DAB1: variants seen among roughly 807,000 people sequenced by gnomAD.
DAB1 encodes DAB adaptor protein 1.
A neutral mutation model predicts 64.6 loss-of-function variants in DAB1; 15 were observed. That is an observed-to-expected ratio of 0.23 (90% CI 0.16 to 0.36). DAB1 has a LOEUF of 0.36. Ranked by LOEUF, DAB1 falls within the 10% of genes least tolerant of loss-of-function variation. The pLI, the probability that DAB1 is intolerant of heterozygous loss-of-function variation, is 1.00. For missense variants in DAB1, 596 were observed against 706.7 expected (o/e 0.84, Z 1.78); for synonymous variants, 235 against 251.9 (o/e 0.93, Z 0.64).
chr1:58,049,462 T>C (rs1380028932), intron 5 of DAB1: 3 of 264,248 alleles, frequency 1.1e-5, no homozygotes, highest in Non-Finnish European at 2.2e-5. Context: ...TGGGGCCTTC[T>C]GCATCATTGC....
At chr1:57,769,291 T>A (rs562966449) in intron 6 of DAB1, among the ~76,000 whole-genome samples, 2 of 152,162 alleles carry the variant, frequency 1.3e-5, no homozygotes, top group African/African-American at 2.4e-5. Flanking sequence ...TCTGCCCCCA[T>A]TGACCACAAA....
intron 10 of DAB1, 26 bp from the exon 11 acceptor site, chr1:57,023,665 C>T (rs1646693795): frequency 1.4e-6 from 2 of 1,449,268 alleles, no homozygotes; most frequent in Non-Finnish European, 1.9e-6. Flanking sequence ...AGGCAGAGGA[C>T]ACATGAGACC....
At chr1:58,391,446 G>A (rs763943367) in intron 3 of DAB1, among the ~76,000 whole-genome samples, 2 of 152,206 alleles carry the variant, frequency 1.3e-5, no homozygotes, top group Non-Finnish European at 2.9e-5. Flanking sequence ...AAAAGCAACC[G>A]CAGAGAGGAA....
At chr1:57,955,137 T>C (rs11811324) in intron 5 of DAB1, among the ~76,000 whole-genome samples, 2,831 of 152,290 alleles carry the variant, frequency 0.019, 43 homozygotes, top group East Asian at 0.041. Flanking sequence ...CTTTGAAATA[T>C]ACAGTCTGTT....
chr1:57,038,341 T>C (rs1183735288), intron 9 of DAB1, among the ~76,000 whole-genome samples: 1 of 152,096 alleles, frequency 6.6e-6, no homozygotes, highest in Non-Finnish European at 1.5e-5. Context: ...AAGCCAGATA[T>C]TTGTGGAGTT....
At chr1:57,356,741 A>G (rs1379151685) in intron 1 of DAB1, among the ~76,000 whole-genome samples, 1 of 152,076 alleles carries the variant, frequency 6.6e-6, no homozygotes, top group Non-Finnish European at 1.5e-5. Context: ...GAAGGTCCTA[A>G]AGCCATGTGT....
intron 1 of DAB1, among the ~76,000 whole-genome samples, chr1:57,335,359 G>T (rs1424472): frequency 0.11 from 17,086 of 152,048 alleles, 1,167 homozygotes; most frequent in African/African-American, 0.18. Context: ...AACACAATTT[G>T]TATTGTCAAT....
In DAB1 at chr1:57,483,039, A is replaced by G. The variant is rs150253976; in HGVS notation, n.625+166553T>C. On this transcript the variant is annotated intron_variant and non_coding_transcript_variant, in intron 7 of 20. Coordinates refer to the DAB1 transcript ENST00000485760. ...CACAATGTGGAGGATTGCTTATGAT[A>G]TCTTAAATAGAAAAGTAGAATATAA... is the stretch of plus-strand genomic sequence containing the variant. 6.3e-4 allele frequency among the ~76,000 whole-genome samples: 96 copies of G among 152,354 alleles called. 4 individuals carry two copies. In the East Asian group the frequency reaches 0.016, roughly 25 times the overall value.
chr1:57,480,880 C>A (rs1198902672), intron 7 of DAB1, among the ~76,000 whole-genome samples: 2 of 152,116 alleles, frequency 1.3e-5, no homozygotes, highest in Non-Finnish European at 2.9e-5. Context: ...GAAGTTGTGA[C>A]TAAAGCCCGC....
chr1:57,771,904 T>G (rs1649579486), intron 6 of DAB1, among the ~76,000 whole-genome samples: 1 of 152,168 alleles, frequency 6.6e-6, no homozygotes, highest in Non-Finnish European at 1.5e-5. Context: ...AATTTTGAGG[T>G]TCATCCAAGT....
intron 5 of DAB1, among the ~76,000 whole-genome samples, chr1:58,044,529 T>C (rs886741365): frequency 6.6e-6 from 1 of 152,142 alleles, no homozygotes; most frequent in African/African-American, 2.4e-5. Context: ...TCTCTTGTTA[T>C]ATTAGACAAA....
chr1:57,393,777 G>A (rs1682586302), intron 1 of DAB1, among the ~76,000 whole-genome samples: 1 of 152,146 alleles, frequency 6.6e-6, no homozygotes, highest in South Asian at 2.1e-4. Flanking sequence ...ACTCACTTGT[G>A]TATTTTCTAT....
At chr1:57,657,251 T>C (rs1196421751) in intron 6 of DAB1, among the ~76,000 whole-genome samples, 1 of 152,204 alleles carries the variant, frequency 6.6e-6, no homozygotes, top group African/African-American at 2.4e-5. Context: ...TAGGGTTACC[T>C]CATCTGCACA....
intron 5 of DAB1, among the ~76,000 whole-genome samples, chr1:57,916,362 A>G (rs1422929346): frequency 6.6e-6 from 1 of 152,200 alleles, no homozygotes; most frequent in East Asian, 1.9e-4. Flanking sequence ...CCATTCGAAC[A>G]TAGGCAAACC....
In DAB1 at chr1:57,011,277, A is replaced by C; in HGVS notation, c.1445-5T>G. 1 of 1,611,502 alleles carries C rather than the reference A, an allele frequency of 6.2e-7. No individual in the cohort carries two copies. Reference sequence around the variant, plus strand: ...GTCTAGGGGCTGGGGTTGGAGCTACACAGAGACCACAGAAAAAGAGACATC... The same window carrying C: ...GTCTAGGGGCTGGGGTTGGAGCTACCCAGAGACCACAGAAAAAGAGACATC... On this transcript the variant is annotated splice_region_variant and splice_polypyrimidine_tract_variant and intron_variant, in intron 12 of 14. Transcript: ENST00000371236.
intron 5 of DAB1, among the ~76,000 whole-genome samples, chr1:57,897,145 T>C (rs1199289524): frequency 6.6e-6 from 1 of 152,202 alleles, no homozygotes; most frequent in East Asian, 1.9e-4. Flanking sequence ...TCAGGATGGA[T>C]AGAGCAGAGC....
chr1:57,685,142 CG>C (rs1479149073), intron 6 of DAB1, among the ~76,000 whole-genome samples: 1 of 151,448 alleles, frequency 6.6e-6, no homozygotes, highest in African/African-American at 2.4e-5. Flanking sequence ...TTAGTAGAGA[CG>C]GGGTTTCACC....
chr1:58,187,620 C>A (rs1176994863), intron 4 of DAB1, among the ~76,000 whole-genome samples: 2 of 150,378 alleles, frequency 1.3e-5, no homozygotes, highest in African/African-American at 4.9e-5. Flanking sequence ...ACTCTTGTCA[C>A]CCAGGCTGGA....
chr1:57,904,548 G>A (rs1268861642), intron 5 of DAB1, among the ~76,000 whole-genome samples: 1 of 152,182 alleles, frequency 6.6e-6, no homozygotes, highest in Non-Finnish European at 1.5e-5. Context: ...AAATAAAGAG[G>A]AAGAGTAATC....
Sources: allele counts gnomAD v4.1 joint callset (sites outside exome capture counted in the v4.1 genomes callset), GRCh38; gene constraint gnomAD v4.1.1; transcripts MANE v1.5; gene names NCBI Gene and HGNC (gene_info 2026-07-23, HGNC 2026-07-21).